The following ODAD2 variants were observed in gnomAD, a reference collection of about 807,000 sequenced individuals.
The protein encoded by ODAD2 is outer dynein arm docking complex subunit 2.
In ODAD2, 89 loss-of-function variants were observed where a neutral mutation model predicts 106.8. The observed-to-expected ratio is 0.83, with a 90% CI of 0.70 to 0.99. The LOEUF (loss-of-function observed/expected upper bound fraction) is 0.99, where lower values mean the gene tolerates loss of function less well. ODAD2 is among the 50% of genes least tolerant of loss of function. The pLI is 0.00. For missense variants in ODAD2, 1,168 were observed against 1,238.5 expected (o/e 0.94, Z 0.85); for synonymous variants, 404 against 436.2 (o/e 0.93, Z 0.92).
At chr10:27,953,083 G>C (rs1847477772) in intron 10 of ODAD2, among the ~76,000 whole-genome samples, 1 of 152,142 alleles carries the variant, frequency 6.6e-6, no homozygotes, top group Non-Finnish European at 1.5e-5. Flanking sequence ...TCCAACACCT[G>C]TGCAATCATT....
chr10:27,875,935 G>A (rs1841306466), intron 17 of ODAD2, among the ~76,000 whole-genome samples: 1 of 152,208 alleles, frequency 6.6e-6, no homozygotes, highest in South Asian at 2.1e-4. Context: ...TGCCCACAGA[G>A]CCTCGCTCAT....
At chr10:27,973,224 C>T (rs1448296717) in intron 7 of ODAD2, among the ~76,000 whole-genome samples, 1 of 151,670 alleles carries the variant, frequency 6.6e-6, no homozygotes, top group Non-Finnish European at 1.5e-5. Context: ...TACATACATA[C>T]ATACATACAT....
At chr10:27,908,308 T>G (rs1356853746) in intron 16 of ODAD2, among the ~76,000 whole-genome samples, 1 of 152,230 alleles carries the variant, frequency 6.6e-6, no homozygotes, top group East Asian at 1.9e-4. Flanking sequence ...GTTTTCCATG[T>G]GCACCCTTCC....
At chr10:27,909,817 GAAAAAAAA>G (rs35449629) in intron 16 of ODAD2, among the ~76,000 whole-genome samples, 7,394 of 56,448 alleles carry the variant, frequency 0.13, 291 homozygotes, top group East Asian at 0.3. Context: ...GTCTTCATTT[GAAAAAAAA>G]AAAAAAAAAA....
chr10:27,860,842 T>C lies in ODAD2; in HGVS notation c.2804A>G (p.Asn935Ser). Residue 935 changes from asparagine to serine, a missense_variant, in exon 19 of 20, where the codon AAC becomes AGC. Around this residue, in one of 3 missense-constraint regions of ODAD2, gnomAD observed 701 missense variants for 712.3 expected, o/e 0.98. Transcript: ENST00000305242. ...PLLSKLANTN[N>S]NKLRHHLAEA... ...TGCTAGATGATGTCTCAATTTATTG[T>C]TATTCTGTGCAAGGGAAAATGAAAT... The C allele has an allele frequency of 2.5e-6, 4 of 1,613,784 alleles. No homozygotes were observed. The highest frequency in any genetic ancestry group is 3.4e-6 in the Non-Finnish European group (4 of 1,179,678).
At chr10:27,924,453 A>G (rs1258079693) in intron 16 of ODAD2, among the ~76,000 whole-genome samples, 1 of 150,958 alleles carries the variant, frequency 6.6e-6, no homozygotes, top group Non-Finnish European at 1.5e-5. Context: ...AATTAGAAAA[A>G]TAGCTACAAT....
intron 7 of ODAD2, among the ~76,000 whole-genome samples, chr10:27,975,714 C>A (rs775686414): frequency 6.6e-6 from 1 of 152,018 alleles, no homozygotes; most frequent in Non-Finnish European, 1.5e-5. Context: ...TTTAATAAAC[C>A]GACCAAACAT....
intron 19 of ODAD2, among the ~76,000 whole-genome samples, chr10:27,848,638 G>A (rs1838988525): frequency 6.6e-6 from 1 of 152,158 alleles, no homozygotes; most frequent in South Asian, 2.1e-4. Flanking sequence ...CAGAATGGGA[G>A]AAAATTTTTG....
intron 17 of ODAD2, among the ~76,000 whole-genome samples, chr10:27,886,532 T>C (rs910461805): frequency 6.6e-6 from 1 of 151,932 alleles, no homozygotes; most frequent in African/African-American, 2.4e-5. Flanking sequence ...CAAGTTGAAA[T>C]AAAAGGATTC....
rs200925571 is a variant in ODAD2, at chr10:27,920,860, T to TG, written c.2496-13084dup. Among the ~76,000 whole-genome samples the TG allele has an allele frequency of 8.8e-5, 13 of 147,408 alleles. 1 individual carries two copies. In the East Asian group the frequency reaches 1.5e-3, roughly 16 times the overall value. On this transcript the variant is annotated intron_variant, in intron 16 of 19. Coordinates refer to ENST00000305242, the MANE Select transcript of ODAD2 (RefSeq NM_018076.5). ...GAACAAATAAACCCAATGTAAAAAC[T>TG]GAAAAAAAAAAACTATGTAAATGCA...
At chr10:27,988,467 G>T (rs1318935281) in intron 2 of ODAD2, among the ~76,000 whole-genome samples, 2 of 151,352 alleles carry the variant, frequency 1.3e-5, no homozygotes, top group African/African-American at 4.9e-5. Flanking sequence ...CCCCCAAGTA[G>T]CTGGGACTAG....
chr10:27,854,069 C>A (rs1050421512), intron 19 of ODAD2, among the ~76,000 whole-genome samples: 1 of 152,042 alleles, frequency 6.6e-6, no homozygotes, highest in Non-Finnish European at 1.5e-5. Context: ...AAAAAGTGGT[C>A]AAAAATGTGA....
chr10:27,996,332 A>C (rs577406579), intron 1 of ODAD2, among the ~76,000 whole-genome samples: 1 of 152,324 alleles, frequency 6.6e-6, no homozygotes, highest in South Asian at 2.1e-4. Flanking sequence ...TACTGTATTA[A>C]ATCTTTGAAC....
chr10:27,947,998 C>T (rs1189437040), intron 10 of ODAD2, among the ~76,000 whole-genome samples: 1 of 152,208 alleles, frequency 6.6e-6, no homozygotes, highest in African/African-American at 2.4e-5. Flanking sequence ...ACAACTTCCA[C>T]ATCTTTTGAG....
intron 17 of ODAD2, among the ~76,000 whole-genome samples, chr10:27,904,006 T>C (rs1341593921): frequency 6.6e-6 from 1 of 152,210 alleles, no homozygotes; most frequent in Non-Finnish European, 1.5e-5. Context: ...AAATAAGGAC[T>C]ACCTGTTGCC....
chr10:27,861,831 ATTC>A (rs1315388517), intron 18 of ODAD2, among the ~76,000 whole-genome samples: 1 of 152,212 alleles, frequency 6.6e-6, no homozygotes, highest in African/African-American at 2.4e-5. Flanking sequence ...TCTGACAGAT[ATTC>A]TTAGGAACTC....
intron 2 of ODAD2, 118 bp from the exon 3 acceptor site, chr10:27,987,661 A>C (rs1469644366): frequency 1.5e-6 from 1 of 646,800 alleles, no homozygotes; most frequent in African/African-American, 1.8e-5. Context: ...AGAAAATATA[A>C]ATACATCTGG....
intron 9 of ODAD2, among the ~76,000 whole-genome samples, chr10:27,966,131 C>CA (rs1471736057): frequency 6.6e-6 from 1 of 151,692 alleles, no homozygotes; most frequent in Admixed American, 6.6e-5. Flanking sequence ...CACAGAGAGC[C>CA]CCAATTTTTG....
chr10:27,874,297 G>A (rs1007834430), intron 17 of ODAD2, among the ~76,000 whole-genome samples: 5 of 152,158 alleles, frequency 3.3e-5, no homozygotes, highest in African/African-American at 4.8e-5. Context: ...GATGGGTCTT[G>A]ACTCTTTACC....
Sources: gnomAD v4.1 joint callset for allele counts (sites outside exome capture counted in the v4.1 genomes callset) on GRCh38, gnomAD v4.1.1 for gene constraint, gnomAD v4.1.1 regional missense constraint, MANE v1.5 for transcripts, NCBI Gene and HGNC (gene_info 2026-07-23, HGNC 2026-07-21) for gene names.